CEP135: variants seen among roughly 807,000 people sequenced by gnomAD.
CEP135 encodes centrosomal protein 135.
Under a neutral mutation model 157.3 loss-of-function variants are expected in CEP135, and 142 were observed. The ratio of observed to expected loss-of-function variants is 0.90; its 90% confidence interval spans 0.79 to 1.04. The LOEUF is 1.04. Ranked by LOEUF, CEP135 falls within the 50% of genes least tolerant of loss-of-function variation. CEP135 has a pLI of 0.00. For synonymous variants in CEP135, 396 were observed against 439.8 expected, an observed-to-expected ratio of 0.90 and a Z score of 1.25; for missense variants, 1,317 against 1,309.2, an observed-to-expected ratio of 1.01 and a Z score of -0.09.
rs1729537371 is a variant in CEP135, at chr4:55,985,231, T to C, written c.1780-50T>C. ...CTTACATTGCTTACTGTGGTGATTT[T>C]GTTTTGTTATCTGATACAAATGAAC... On this transcript the variant is annotated intron_variant, in intron 13 of 25. Transcript: ENST00000257287. 3.0e-6 allele frequency: 3 copies of C among 1,012,654 alleles called. No homozygotes were observed. In the South Asian group the frequency reaches 4.3e-5, roughly 15 times the overall value. 62.7% of individuals were successfully genotyped at this position (1,012,654 alleles called of 1,614,324 possible).
At chr4:56,008,527 C>A in intron 18 of CEP135, 145 bp downstream of exon 18, 1 of 640,406 alleles carries the variant, frequency 1.6e-6, no homozygotes, top group East Asian at 2.7e-5. Context: ...TTCTCAGTCT[C>A]CAGCTTGAAA....
chr4:56,016,659 A>G (rs1306296977), intron 21 of CEP135, among the ~76,000 whole-genome samples: 1 of 151,970 alleles, frequency 6.6e-6, no homozygotes, highest in African/African-American at 2.4e-5. Flanking sequence ...ACAATATTAG[A>G]TTTTCAATGT....
intron 17 of CEP135, among the ~76,000 whole-genome samples, chr4:56,008,048 A>G (rs572284858): frequency 6.6e-6 from 1 of 152,284 alleles, no homozygotes; most frequent in Non-Finnish European, 1.5e-5. Context: ...TTTTTTTCAA[A>G]TAATGTTAAT....
chr4:55,968,999 T>C, intron 8 of CEP135, 64 bp from the exon 9 acceptor site: 1 of 1,240,680 alleles, frequency 8.1e-7, no homozygotes, highest in Non-Finnish European at 1.1e-6. Flanking sequence ...ACTTGATCTA[T>C]TTGCATATGA....
chr4:55,959,045 A>G (rs1457471554), intron 5 of CEP135, among the ~76,000 whole-genome samples: 2 of 152,186 alleles, frequency 1.3e-5, no homozygotes, highest in African/African-American at 2.4e-5. Context: ...TGATCGGGCC[A>G]CAGGATTCTA....
chr4:55,957,776 G>A (rs200850572), intron 5 of CEP135, among the ~76,000 whole-genome samples: 45 of 152,298 alleles, frequency 3.0e-4, no homozygotes, highest in South Asian at 4.1e-4. Context: ...CTCTAGCTCT[G>A]TGTTTATATT....
At chr4:55,949,269 C>G (rs1728275775) in intron 1 of CEP135, among the ~76,000 whole-genome samples, 1 of 152,150 alleles carries the variant, frequency 6.6e-6, no homozygotes, top group East Asian at 1.9e-4. Context: ...CGTCAACACC[C>G]GACGGTAAAG....
At position 55,962,659 on chromosome 4, in the gene CEP135, AT is replaced by A. The variant is rs1376696161; in HGVS notation, c.700-1613del. ...CTTGACCTACTCTGTGGTATTTGAT[AT>A]TATTGATAATTGCTCTTTGAAACTT... On this transcript the variant is annotated intron_variant, in intron 6 of 25. Transcript: ENST00000257287. Among the ~76,000 whole-genome samples the A allele has an allele frequency of 6.3e-5, 9 of 142,770 alleles. 1 individual carries two copies. The Admixed American group carries it at 6.5e-4, about 10-fold the overall frequency. The allele number at this position is 142,770 out of a possible 152,430, so 93.7% of individuals were successfully genotyped here. A position where few individuals can be genotyped will look rare whatever the true frequency, so the allele number is the denominator to read the frequency against.
rs1478811196 is a variant in CEP135, at chr4:56,005,521, T to C, written c.2281-2806T>C. Among the ~76,000 whole-genome samples, 3 of 152,234 alleles carry C rather than the reference T, an allele frequency of 2.0e-5. No homozygotes were observed. The East Asian group carries it at 5.8e-4, about 29-fold the overall frequency. On this transcript the variant is annotated intron_variant, in intron 17 of 25. Transcript: ENST00000257287. ...CTCGCATTTTGACTTGTGGTTGTCT[T>C]AATTTACAGATTTGTATATTGCCTA...
At chr4:56,020,574 G>A in intron 23 of CEP135, 102 bp from the exon 24 acceptor site, 1 of 833,888 alleles carries the variant, frequency 1.2e-6, no homozygotes, top group Non-Finnish European at 1.9e-6. Context: ...GAGAATTCTT[G>A]TTGAAAGGTC....
At chr4:55,981,126 T>A in intron 12 of CEP135, 101 bp from the exon 13 acceptor site, 3 of 1,010,776 alleles carry the variant, frequency 3.0e-6, no homozygotes, top group Non-Finnish European at 4.3e-6. Context: ...CGGTAGCATG[T>A]GTTCAGTATG....
intron 20 of CEP135, 108 bp downstream of exon 20, chr4:56,011,630 T>G: frequency 3.1e-6 from 3 of 964,588 alleles, no homozygotes; most frequent in Non-Finnish European, 4.7e-6. Context: ...AGAGATCTTG[T>G]CTACTGCCTT....
intron 14 of CEP135, among the ~76,000 whole-genome samples, chr4:55,989,814 G>T (rs1054033544): frequency 1.3e-5 from 2 of 152,192 alleles, no homozygotes; most frequent in Non-Finnish European, 2.9e-5. Flanking sequence ...TAGCAAATAT[G>T]TGTAGCTCCT....
At chr4:56,016,206 C>T (rs1730769054) in intron 21 of CEP135, among the ~76,000 whole-genome samples, 1 of 152,154 alleles carries the variant, frequency 6.6e-6, no homozygotes, top group Non-Finnish European at 1.5e-5. Context: ...AGGCATGGGA[C>T]AGATTCTCCC....
chr4:56,024,166 A>G (rs1313029498), intron 24 of CEP135, among the ~76,000 whole-genome samples: 19 of 147,160 alleles, frequency 1.3e-4, no homozygotes, highest in Admixed American at 1.2e-3. Flanking sequence ...CAGTATTACT[A>G]TTAAATTTAA....
At chr4:55,992,477 T>G (rs567232363) in intron 15 of CEP135, among the ~76,000 whole-genome samples, 1 of 152,204 alleles carries the variant, frequency 6.6e-6, no homozygotes, top group Non-Finnish European at 1.5e-5. Context: ...TCTTGCCTCT[T>G]TCAGTGAAAC....
In CEP135 at chr4:55,952,144, T is replaced by C. The variant is rs1728376608; in HGVS notation, c.14T>C (p.Val5Ala). 1.2e-6 allele frequency: 2 copies of C among 1,602,964 alleles called. No homozygotes were observed. Among genetic ancestry groups the C allele is most frequent in the Non-Finnish European group, 1.7e-6 (2 of 1,170,336 alleles). The change falls in exon 2 of 26, where the codon GTA becomes GCA. Residue 5 changes from valine to alanine, a missense_variant. Val to Ala is a moderately conservative substitution (Grantham distance 64). Transcript: ENST00000257287. The stretch of plus-strand genomic sequence containing the variant: ...TTAGAAGACGAGATGACTACAGCTG[T>C]AGAGAGAAAGTATATTAATATTAGG... MTTA[V>A]ERKYINIRKR...
intron 6 of CEP135, among the ~76,000 whole-genome samples, chr4:55,961,440 C>G (rs760713426): frequency 2.6e-5 from 4 of 151,978 alleles, no homozygotes; most frequent in Non-Finnish European, 5.9e-5. Flanking sequence ...CCAGATTTTG[C>G]TGTTTTTAAG....
Position 55,981,275 on chromosome 4 carries a change from G to A in CEP135, c.1675G>A (p.Ala559Thr), listed in dbSNP as rs115701891. ...AAGAAAGGAATCCACCCAAACCACA[G>A]CACCCCATAATATTGTTAGTCTTAT... ...ALRKESTQTTAPHNIVSLMEK... is the reference protein window; with the variant it reads ...ALRKESTQTTTPHNIVSLMEK... Residue 559 changes from alanine (A) to threonine (T), a missense_variant, in exon 13 of 26, where the codon GCA becomes ACA. By Grantham distance (58) the Ala-to-Thr change is moderately conservative (BLOSUM62 0). Transcript: ENST00000257287. 3,075 of 1,597,440 alleles carry A rather than the reference G, an allele frequency of 1.9e-3. 56 individuals carry two copies. In the African/African-American group the frequency reaches 0.038, roughly 20 times the overall value.
Sources: gnomAD v4.1 joint callset for allele counts (sites outside exome capture counted in the v4.1 genomes callset) on GRCh38, gnomAD v4.1.1 for gene constraint, MANE v1.5 for transcripts, NCBI Gene and HGNC (gene_info 2026-07-23, HGNC 2026-07-21) for gene names.